The following INTS12 variants were observed in gnomAD, a reference collection of about 807,000 sequenced individuals.
INTS12 encodes integrator complex subunit 12.
A neutral mutation model predicts 41.6 loss-of-function variants in INTS12; 13 were observed. That is an observed-to-expected ratio of 0.31 (90% CI 0.20 to 0.50). The LOEUF is 0.50. INTS12 is among the 20% of genes least tolerant of loss of function. INTS12 has a pLI of 0.98. For missense variants in INTS12, 432 were observed against 541.6 expected (o/e 0.80, Z 2.01); for synonymous variants, 199 against 191.4 (o/e 1.04, Z -0.33).
At chr4:105,703,908 G>A (rs1732171660) in intron 1 of INTS12, 99 bp from the exon 2 acceptor site, 1 of 151,932 alleles carries the variant, frequency 6.6e-6, no homozygotes, top group Admixed American at 6.6e-5. Context: ...TTTCCCATCT[G>A]ATAAAAAAGG....
chr4:105,692,259 G>C, intron 5 of INTS12, 124 bp from the exon 6 acceptor site: 1 of 840,818 alleles, frequency 1.2e-6, no homozygotes, highest in Non-Finnish European at 1.8e-6. Context: ...CAAGGCAGGC[G>C]GATCATTTGA....
rs370919655 is a variant in INTS12, at chr4:105,699,913, T to C, written c.93A>G (p.Leu31=). ...HSKSKDSAEK[L]KALLDESLAR... ...CCAAAGATTCATCAAGCAGTGCTTT[T>C]AGCTTTTCAGCAGAATCTTTACTCT... is the stretch of plus-strand genomic sequence containing the variant. The change falls in exon 3 of 8, where the codon CTA becomes CTG. Residue 31 remains leucine (L), a synonymous_variant. Transcript: ENST00000340139. 7.0e-6 allele frequency: 11 copies of C among 1,569,078 alleles called. No individual in the cohort carries two copies. The highest frequency in any genetic ancestry group is 6.7e-5 in the African/African-American group (5 of 74,362).
Position 105,708,642 on chromosome 4 carries a change from C to T in INTS12, c.-176G>A. The T allele has an allele frequency of 1.0e-6, 1 of 976,408 alleles. No homozygotes were observed. Among genetic ancestry groups the T allele is most frequent in the Non-Finnish European group, 1.2e-6 (1 of 821,800 alleles). 60.5% of individuals were successfully genotyped at this position (976,408 alleles called of 1,614,324 possible). ...GAGTCGCTCAGCATAACTCACCGTT[C>T]CGCCCCGCCCTGCCGATCCGTCTGT... is the stretch of plus-strand genomic sequence containing the variant. On this transcript the variant is annotated 5_prime_UTR_variant, in exon 1 of 8. Transcript: ENST00000340139.
Position 105,682,673 on chromosome 4 carries a change from A to G in INTS12, c.*60T>C. On this transcript the variant is annotated 3_prime_UTR_variant, in exon 8 of 8. Transcript: ENST00000340139. The stretch of plus-strand genomic sequence containing the variant: ...TAAATTACAGTGTATTACAGATTAT[A>G]TCATAATAATAAGCCTTTCATCTTT... The G allele has an allele frequency of 8.0e-7, 1 of 1,242,762 alleles. No individual in the cohort carries two copies. The highest frequency in any genetic ancestry group is 2.0e-5 in the Admixed American group (1 of 51,198). The allele number at this position is 1,242,762 out of a possible 1,614,324, so 77.0% of individuals were successfully genotyped here.
At position 105,682,845 on chromosome 4, in the gene INTS12, C is replaced by T; in HGVS notation, c.1277G>A (p.Ser426Asn). Reference protein sequence around the residue: ...TTSKTTSESSSSPSASLKGPT... With the variant: ...TTSKTTSESSNSPSASLKGPT... ...GCCTTTAAGGGATGCTGAGGGAGAG[C>T]TGCTGGATTCTGAAGTAGTTTTGCT... is the stretch of plus-strand genomic sequence containing the variant. Residue 426 changes from serine (S) to asparagine (N), a missense_variant, in exon 8 of 8, where the codon AGC becomes AAC. Physicochemically the swap from Ser to Asn is conservative, Grantham distance 46 (BLOSUM62 1). Transcript: ENST00000340139. The T allele has an allele frequency of 1.9e-6, 3 of 1,614,106 alleles. No individual in the cohort carries two copies. The highest frequency in any genetic ancestry group is 1.6e-4 in the Middle Eastern group (1 of 6,062).
intron 3 of INTS12, among the ~76,000 whole-genome samples, chr4:105,699,152 C>T (rs1048883743): frequency 6.6e-6 from 1 of 152,070 alleles, no homozygotes; most frequent in Non-Finnish European, 1.5e-5. Context: ...TTCTATGTAC[C>T]TCAGTTTCCT....
At chr4:105,699,453 A>C (rs571969868) in intron 3 of INTS12, among the ~76,000 whole-genome samples, 2 of 152,224 alleles carry the variant, frequency 1.3e-5, no homozygotes, top group East Asian at 1.9e-4. Context: ...TCCTACCCAT[A>C]TTCAATTTAT....
At chr4:105,690,975 A>G (rs1731663626) in intron 6 of INTS12, among the ~76,000 whole-genome samples, 1 of 152,170 alleles carries the variant, frequency 6.6e-6, no homozygotes, top group Non-Finnish European at 1.5e-5. Flanking sequence ...TGTCATAGAA[A>G]TTTCCTGTTA....
intron 3 of INTS12, among the ~76,000 whole-genome samples, chr4:105,698,858 C>G (rs1380574323): frequency 1.3e-5 from 2 of 152,216 alleles, no homozygotes; most frequent in African/African-American, 2.4e-5. Flanking sequence ...TCTGGTTAGA[C>G]TTGAGCTAGT....
rs761246787 is a variant in INTS12 at position 105,682,988 on chromosome 4, A to T, written c.1134T>A (p.Ser378Arg). The change falls in exon 8 of 8, where the codon AGT becomes AGA. Residue 378 changes from serine to arginine, a missense_variant. This residue lies in a region of INTS12 where 258 missense variants were observed against 309.9 expected (regional missense o/e 0.83). Transcript: ENST00000340139. ...GACCTACTTTGCTGACATTGTCACAACTAACTGAGCGACTAAGGCCAGTTT... is the reference window on the plus strand; with the variant it reads ...GACCTACTTTGCTGACATTGTCACATCTAACTGAGCGACTAAGGCCAGTTT... ...LGKTGLSRSV[S>R]CDNVSKVGLP... 2.5e-6 allele frequency: 4 copies of T among 1,614,136 alleles called. No individual in the cohort carries two copies. Among genetic ancestry groups the T allele is most frequent in the Non-Finnish European group, 2.5e-6 (3 of 1,179,978 alleles).
intron 7 of INTS12, among the ~76,000 whole-genome samples, chr4:105,684,159 T>A (rs1560772320): frequency 6.6e-6 from 1 of 152,154 alleles, no homozygotes; most frequent in Non-Finnish European, 1.5e-5. Flanking sequence ...CTTTCCTGGC[T>A]AATCAGAAGC....
chr4:105,696,997 T>C (rs955343556), intron 3 of INTS12, among the ~76,000 whole-genome samples: 8 of 152,224 alleles, frequency 5.3e-5, no homozygotes, highest in African/African-American at 1.2e-4. Context: ...TATATCTTCT[T>C]TGGTAAACTA....
At chr4:105,695,391 G>C in intron 4 of INTS12, 125 bp downstream of exon 4, 1 of 626,198 alleles carries the variant, frequency 1.6e-6, no homozygotes, top group Middle Eastern at 4.5e-4. Context: ...TATATTCACT[G>C]AGTGTTGATT....
At chr4:105,686,462 A>G (rs1345353166) in intron 7 of INTS12, among the ~76,000 whole-genome samples, 1 of 152,228 alleles carries the variant, frequency 6.6e-6, no homozygotes, top group African/African-American at 2.4e-5. Flanking sequence ...TCATTTTGGA[A>G]TGATCATAGA....
intron 4 of INTS12, among the ~76,000 whole-genome samples, chr4:105,694,730 T>A (rs1731800000): frequency 1.3e-5 from 2 of 152,228 alleles, no homozygotes; most frequent in Admixed American, 1.3e-4. Flanking sequence ...ATATACTCCA[T>A]CTTGAGGGCA....
chr4:105,699,955 T>C lies in INTS12; in HGVS notation c.51A>G (p.Leu17=). ...LELDPIFLKA[L]GFLHSKSKDS... is the part of the protein sequence containing the mutation. ...CTTTACTCTTTGAATGCAAGAAACC[T>C]AGTGCTTTCAAAAAAATGGGATCAA... The change falls in exon 3 of 8, where the codon CTA becomes CTG. Residue 17 remains leucine (L), a synonymous_variant. Transcript: ENST00000340139. The C allele has an allele frequency of 2.0e-6, 3 of 1,515,272 alleles. No individual in the cohort carries two copies. Among genetic ancestry groups the C allele is most frequent in the Non-Finnish European group, 2.7e-6 (3 of 1,113,884 alleles). 93.9% of individuals were successfully genotyped at this position (1,515,272 alleles called of 1,614,324 possible). A position where few individuals can be genotyped will look rare whatever the true frequency, so the allele number is the denominator to read the frequency against.
Position 105,683,313 on chromosome 4 carries a change from G to A in INTS12, c.809C>T (p.Ser270Phe), listed in dbSNP as rs1329853591. Residue 270 changes from serine (S) to phenylalanine (F), a missense_variant, in exon 8 of 8, where the codon TCC (serine) becomes TTC (phenylalanine). Physicochemically the swap from Ser to Phe is radical, Grantham distance 155. Around this residue, in one of 3 missense-constraint regions of INTS12, gnomAD observed 258 missense variants for 309.9 expected, o/e 0.83. Coordinates refer to ENST00000340139, the MANE Select transcript of INTS12 (RefSeq NM_020395.4). ...AGAAGAATTTCCTGAAATAACTGTG[G>A]ATGTCTAAAAAAATAAAGTAAATAA... ...LAFKRTEVKT[S>F]TVISGNSSSA... 2.5e-6 allele frequency: 4 copies of A among 1,601,488 alleles called. No individual in the cohort carries two copies. The highest frequency in any genetic ancestry group is 8.5e-7 in the Non-Finnish European group (1 of 1,173,702).
At chr4:105,700,535 CTTT>C (rs370699451) in intron 2 of INTS12, among the ~76,000 whole-genome samples, 1 of 140,698 alleles carries the variant, frequency 7.1e-6, no homozygotes, top group African/African-American at 2.6e-5. Flanking sequence ...TACCTCAACT[CTTT>C]TTTTTTTTTT....
chr4:105,691,856 A>G (rs1252967205), intron 6 of INTS12, 120 bp downstream of exon 6: 1 of 703,270 alleles, frequency 1.4e-6, no homozygotes, highest in Non-Finnish European at 2.2e-6. Context: ...ATATAAATAA[A>G]TAATCAGCTT....
Sources: gnomAD v4.1 joint callset for allele counts (sites outside exome capture counted in the v4.1 genomes callset) on GRCh38, gnomAD v4.1.1 for gene constraint, gnomAD v4.1.1 regional missense constraint, MANE v1.5 for transcripts, NCBI Gene and HGNC (gene_info 2026-07-23, HGNC 2026-07-21) for gene names.